Variants in TMEM170B observed in about 807,000 individuals in gnomAD.
TMEM170B encodes the protein transmembrane protein 170B.
A neutral mutation model predicts 13.0 loss-of-function variants in TMEM170B; 6 were observed. The ratio of observed to expected loss-of-function variants is 0.46; its 90% CI spans 0.25 to 0.91. TMEM170B has a LOEUF of 0.91. Among genes scored for constraint, TMEM170B ranks in the 40% least tolerant of loss-of-function variants. TMEM170B has a pLI of 0.17. For missense variants in TMEM170B, 138 were observed against 165.2 expected, an observed-to-expected ratio of 0.84 and a Z score of 0.90; for synonymous variants, 61 against 64.9, an observed-to-expected ratio of 0.94 and a Z score of 0.29.
At chr6:11,545,962 A>C (rs755118796) in intron 1 of TMEM170B, among the ~76,000 whole-genome samples, 1 of 146,278 alleles carries the variant, frequency 6.8e-6, no homozygotes, top group Non-Finnish European at 1.5e-5. Context: ...CAGTGAGCCG[A>C]GATTGCACCA....
chr6:11,552,801 A>G (rs1394476536), intron 1 of TMEM170B, among the ~76,000 whole-genome samples: 1 of 152,188 alleles, frequency 6.6e-6, no homozygotes, highest in Non-Finnish European at 1.5e-5. Flanking sequence ...ATGCAAAGGC[A>G]GTCTGTGCAC....
rs1228429332 is a variant in TMEM170B at position 11,581,933 on chromosome 6, T to G, written c.*6372T>G. ...TGATAGTTTAACTGTTGACACTTTC[T>G]TAATGTTTTTGATGTTGGATGCATT... On this transcript the variant is annotated 3_prime_UTR_variant, in exon 3 of 3. Transcript: ENST00000379426. The G allele has an allele frequency of 6.6e-6, 1 of 152,206 alleles. No homozygotes were observed. Among genetic ancestry groups the G allele is most frequent in the Non-Finnish European group, 1.5e-5 (1 of 68,010 alleles). The allele number at this position is 152,206 out of a possible 1,614,324, so 9.4% of individuals were successfully genotyped here.
chr6:11,561,472 C>T (rs1191445888), intron 1 of TMEM170B, among the ~76,000 whole-genome samples: 1 of 152,134 alleles, frequency 6.6e-6, no homozygotes, highest in African/African-American at 2.4e-5. Flanking sequence ...TCCTTAGGAT[C>T]CTGCGGTTCT....
At chr6:11,540,741 C>T (rs1759348533) in intron 1 of TMEM170B, among the ~76,000 whole-genome samples, 1 of 152,180 alleles carries the variant, frequency 6.6e-6, no homozygotes, top group Non-Finnish European at 1.5e-5. Flanking sequence ...ATTTCCTTTG[C>T]CCAGGTCCAT....
At position 11,582,513 on chromosome 6, in the gene TMEM170B, A is replaced by C. The variant is rs1759969604; in HGVS notation, c.*6952A>C. The C allele has an allele frequency of 6.8e-6, 1 of 146,302 alleles. No homozygotes were observed. The highest frequency in any genetic ancestry group is 1.5e-5 in the Non-Finnish European group (1 of 64,836). The allele number at this position is 146,302 out of a possible 1,614,324, so 9.1% of individuals were successfully genotyped here. ...ACTGTGACAGATGACAGCTACTTTC[A>C]CTATATTTTCATGATGTGGTATTTT... On this transcript the variant is annotated 3_prime_UTR_variant, in exon 3 of 3. Transcript: ENST00000379426.
rs1759963133 is a variant in TMEM170B, at chr6:11,581,922, T to G, written c.*6361T>G. Reference sequence around the variant, plus strand: ...AGCAGATGAGTTGATAGTTTAACTGTTGACACTTTCTTAATGTTTTTGATG... The same window carrying G: ...AGCAGATGAGTTGATAGTTTAACTGGTGACACTTTCTTAATGTTTTTGATG... On this transcript the variant is annotated 3_prime_UTR_variant, in exon 3 of 3. Coordinates refer to ENST00000379426, the MANE Select transcript of TMEM170B (RefSeq NM_001100829.3). 6.6e-6 allele frequency: 1 copy of G among 152,230 alleles called. No individual in the cohort carries two copies. The highest frequency in any genetic ancestry group is 1.5e-5 in the Non-Finnish European group (1 of 68,038). 9.4% of individuals were successfully genotyped at this position (152,230 alleles called of 1,614,324 possible).
chr6:11,548,222 TAAAC>T (rs1759465800), intron 1 of TMEM170B, among the ~76,000 whole-genome samples: 1 of 152,066 alleles, frequency 6.6e-6, no homozygotes, highest in African/African-American at 2.4e-5. Flanking sequence ...GCAAAGACCT[TAAAC>T]AAATTTACAA....
chr6:11,541,607 A>G (rs1759361473), intron 1 of TMEM170B, among the ~76,000 whole-genome samples: 3 of 152,098 alleles, frequency 2.0e-5, no homozygotes, highest in African/African-American at 7.2e-5. Context: ...TTGCTTTCTT[A>G]TGATTTGTGT....
chr6:11,547,054 G>A (rs891214769), intron 1 of TMEM170B, among the ~76,000 whole-genome samples: 3 of 152,032 alleles, frequency 2.0e-5, no homozygotes, highest in Non-Finnish European at 4.4e-5. Flanking sequence ...TTCGATAGTG[G>A]GTAACTGTAA....
chr6:11,562,037 G>T (rs1391878792), intron 1 of TMEM170B, among the ~76,000 whole-genome samples: 1 of 151,984 alleles, frequency 6.6e-6, no homozygotes, highest in Non-Finnish European at 1.5e-5. Flanking sequence ...TGTATTATAA[G>T]AACTTTTTTA....
rs147010089 is a variant in TMEM170B, at chr6:11,544,031, A to G, written c.97+5657A>G. ...GACTTAATTTTAGAAATATTGAAAT[A>G]TCACTCCATCAGTGAAGTGACATGG... is the stretch of plus-strand genomic sequence containing the variant. On this transcript the variant is annotated intron_variant, in intron 1 of 2. Coordinates refer to ENST00000379426, the MANE Select transcript of TMEM170B (RefSeq NM_001100829.3). Among the ~76,000 whole-genome samples, 229 of 152,352 alleles carry G rather than the reference A, an allele frequency of 1.5e-3. 1 individual carries two copies. Among genetic ancestry groups the G allele is most frequent in the Non-Finnish European group, 2.3e-3 (158 of 68,020 alleles).
intron 1 of TMEM170B, among the ~76,000 whole-genome samples, chr6:11,558,497 G>A (rs1759618490): frequency 6.6e-6 from 1 of 152,130 alleles, no homozygotes; most frequent in Admixed American, 6.6e-5. Flanking sequence ...AAATTCCAGT[G>A]CCCAAGCTAC....
chr6:11,549,508 A>C (rs1759494553), intron 1 of TMEM170B, among the ~76,000 whole-genome samples: 1 of 151,058 alleles, frequency 6.6e-6, no homozygotes, highest in African/African-American at 2.4e-5. Context: ...CTAAAAATAC[A>C]AAAAGTTAGC....
intron 1 of TMEM170B, among the ~76,000 whole-genome samples, chr6:11,545,318 A>G (rs1242458143): frequency 1.1e-5 from 1 of 89,908 alleles, no homozygotes; most frequent in African/African-American, 3.5e-5. Context: ...GTGTAGTACT[A>G]GTAGTAAGTA....
chr6:11,564,392 T>G (rs894955501), intron 1 of TMEM170B, among the ~76,000 whole-genome samples: 7 of 152,228 alleles, frequency 4.6e-5, no homozygotes, highest in Admixed American at 6.5e-5. Flanking sequence ...GATACATAGG[T>G]TTTGATTCAT....
chr6:11,539,837 A>G (rs1447429073), intron 1 of TMEM170B, among the ~76,000 whole-genome samples: 2 of 152,202 alleles, frequency 1.3e-5, no homozygotes, highest in African/African-American at 4.8e-5. Context: ...AAAAGTAGGG[A>G]CTTAACATAT....
At chr6:11,572,397 A>T (rs1759816698) in intron 2 of TMEM170B, among the ~76,000 whole-genome samples, 1 of 152,156 alleles carries the variant, frequency 6.6e-6, no homozygotes, top group African/African-American at 2.4e-5. Context: ...ATTCCATAAT[A>T]TATTTATGCC....
At chr6:11,543,052 A>C (rs181235715) in intron 1 of TMEM170B, among the ~76,000 whole-genome samples, 32 of 152,042 alleles carry the variant, frequency 2.1e-4, no homozygotes, top group Admixed American at 1.9e-3. Context: ...CTTCCTCCTT[A>C]CTTTCTTCAC....
At chr6:11,556,650 G>A (rs1451543923) in intron 1 of TMEM170B, among the ~76,000 whole-genome samples, 1 of 152,098 alleles carries the variant, frequency 6.6e-6, no homozygotes. Flanking sequence ...ATTGTTCTTA[G>A]GAGTTTCTCG....
Sources: gnomAD v4.1 joint callset for allele counts (sites outside exome capture counted in the v4.1 genomes callset) on GRCh38, gnomAD v4.1.1 for gene constraint, MANE v1.5 for transcripts, NCBI Gene and HGNC (gene_info 2026-07-23, HGNC 2026-07-21) for gene names.